The following STX6 variants were observed in gnomAD, a reference collection of about 807,000 sequenced individuals.
STX6 encodes the protein syntaxin 6, also known as syntaxin-6.
In STX6, 23 loss-of-function variants were observed where a neutral mutation model predicts 38.0. The observed-to-expected ratio is 0.60, with a 90% CI of 0.43 to 0.86. The LOEUF (loss-of-function observed/expected upper bound fraction) is 0.86. STX6 is among the 40% of genes least tolerant of loss of function. STX6 has a pLI of 0.00. For missense variants in STX6, 274 were observed against 312.9 expected, an observed-to-expected ratio of 0.88 and a Z score of 0.94; for synonymous variants, 123 against 107.5, an observed-to-expected ratio of 1.14 and a Z score of -0.89.
intron 7 of STX6, chr1:180,980,436 C>T (rs188927034): frequency 6.6e-6 from 1 of 151,506 alleles, no homozygotes; most frequent in Admixed American, 6.6e-5. Context: ...GACAGGTTGG[C>T]AGTTTCTTAC....
intron 1 of STX6, among the ~76,000 whole-genome samples, chr1:181,017,123 A>G (rs1267192058): frequency 6.6e-6 from 1 of 151,222 alleles, no homozygotes; most frequent in Non-Finnish European, 1.5e-5. Context: ...GCAGTGGCTC[A>G]TGCCTGTAAT....
intron 1 of STX6, among the ~76,000 whole-genome samples, chr1:181,013,430 C>T (rs1262953759): frequency 2.0e-5 from 3 of 152,044 alleles, no homozygotes; most frequent in South Asian, 2.1e-4. Context: ...AGGATTCTTC[C>T]GTCTCAGCCT....
At chr1:180,994,729 A>C (rs1655850712) in intron 3 of STX6, among the ~76,000 whole-genome samples, 1 of 152,212 alleles carries the variant, frequency 6.6e-6, no homozygotes, top group African/African-American at 2.4e-5. Flanking sequence ...AAATACAGTT[A>C]GAAGAAATAA....
intron 2 of STX6, among the ~76,000 whole-genome samples, chr1:181,003,989 C>T (rs1280235458): frequency 6.6e-6 from 1 of 152,184 alleles, no homozygotes; most frequent in Non-Finnish European, 1.5e-5. Flanking sequence ...ATTTTTTGAT[C>T]TCTAATTACC....
chr1:181,005,315 C>A lies in STX6; in HGVS notation c.184G>T (p.Glu62Ter). 1 of 1,614,068 alleles carries A rather than the reference C, an allele frequency of 6.2e-7. No homozygotes were observed. Among genetic ancestry groups the A allele is most frequent in the Non-Finnish European group, 8.5e-7 (1 of 1,179,948 alleles). Reference sequence around the variant, plus strand: ...ATATTGATGGTTTCATCAAGGTCCTCTAGATCCCACTCTATGCTCCGGAGG... The same window carrying A: ...ATATTGATGGTTTCATCAAGGTCCTATAGATCCCACTCTATGCTCCGGAGG... ...NNLRSIEWDL[E>*]DLDETISIVE... Residue 62 changes from glutamate (E) to a stop codon, truncating the protein, a stop_gained, in exon 2 of 8, where the codon GAG becomes TAG. Transcript: ENST00000258301. LOFTEE classifies it high-confidence loss of function.
At chr1:180,982,743 CT>C (rs573295818) in intron 7 of STX6, among the ~76,000 whole-genome samples, 1,574 of 152,038 alleles carry the variant, frequency 0.01, 26 homozygotes, top group African/African-American at 0.036. Context: ...ATTAAAACAC[CT>C]TTTTTTTGTT....
At chr1:180,984,184 T>TA in intron 7 of STX6, among the ~76,000 whole-genome samples, 1 of 145,002 alleles carries the variant, frequency 6.9e-6, no homozygotes, top group South Asian at 2.1e-4. Flanking sequence ...AAGGAGAAGA[T>TA]AAAGACTGCA....
chr1:180,996,503 G>A (rs943832480), intron 3 of STX6, among the ~76,000 whole-genome samples: 1 of 152,130 alleles, frequency 6.6e-6, no homozygotes, highest in African/African-American at 2.4e-5. Flanking sequence ...ATAATACTTA[G>A]TGAAGGTATA....
At chr1:180,979,362 G>A (rs1655339420) in intron 7 of STX6, among the ~76,000 whole-genome samples, 2 of 152,172 alleles carry the variant, frequency 1.3e-5, no homozygotes, top group African/African-American at 4.8e-5. Context: ...GCAGATCAAT[G>A]GAACAGACAG....
intron 3 of STX6, among the ~76,000 whole-genome samples, chr1:180,994,197 CA>C (rs1349605566): frequency 5.3e-5 from 8 of 152,154 alleles, no homozygotes; most frequent in African/African-American, 1.9e-4. Context: ...TACATGACTG[CA>C]ACAACAGTTT....
At chr1:180,978,964 C>T (rs573356943) in intron 7 of STX6, among the ~76,000 whole-genome samples, 1 of 152,292 alleles carries the variant, frequency 6.6e-6, no homozygotes, top group South Asian at 2.1e-4. Context: ...GCATATGCAT[C>T]AGAACCAGAG....
Position 181,002,617 on chromosome 1 carries a change from G to T in STX6, c.289C>A (p.Gln97Lys). 1 of 1,610,934 alleles carries T rather than the reference G, an allele frequency of 6.2e-7. No homozygotes were observed. Among genetic ancestry groups the T allele is most frequent in the Non-Finnish European group, 8.5e-7 (1 of 1,177,302 alleles). The change falls in exon 3 of 8, where the codon CAA becomes AAA. Residue 97 changes from glutamine (Q) to lysine (K), a missense_variant. Physicochemically the swap from Gln to Lys is moderately conservative, Grantham distance 53 (BLOSUM62 1). Transcript: ENST00000258301. The part of the protein sequence containing the change: ...IRKAFITSTR[Q>K]VVRDMKDQMS... ...ATCATATTCCTTACCCTGACAACTT[G>T]CCGAGTACTTGTAATGAAGGCTTTT...
At chr1:181,004,576 G>A (rs1290763634) in intron 2 of STX6, among the ~76,000 whole-genome samples, 1 of 152,202 alleles carries the variant, frequency 6.6e-6, no homozygotes, top group Non-Finnish European at 1.5e-5. Context: ...GTTCCTGGAG[G>A]CACCTGAAGA....
Position 180,974,956 on chromosome 1 carries a change from T to G in STX6, c.*1614A>C, listed in dbSNP as rs985307265. ...CCATGATCTCAAATGAGATAAAATA[T>G]CCTTCTTCAAAAATTGTTAAGAATA... On this transcript the variant is annotated 3_prime_UTR_variant, in exon 8 of 8. Transcript: ENST00000258301. 2.0e-5 allele frequency: 3 copies of G among 152,618 alleles called. No individual in the cohort carries two copies. Among genetic ancestry groups the G allele is most frequent in the African/African-American group, 7.2e-5 (3 of 41,450 alleles). The allele number at this position is 152,618 out of a possible 1,614,324, so 9.5% of individuals were successfully genotyped here.
intron 2 of STX6, among the ~76,000 whole-genome samples, chr1:181,004,749 A>C (rs535837868): frequency 1.3e-4 from 20 of 152,116 alleles, no homozygotes; most frequent in Admixed American, 1.2e-3. Context: ...AATTAATTCG[A>C]TCTATGGAGG....
At position 181,005,404 on chromosome 1, in the gene STX6, A is replaced by G. The variant is rs1159255314; in HGVS notation, c.95T>C (p.Leu32Pro). Residue 32 changes from leucine (L) to proline (P), a missense_variant, in exon 2 of 8, where the codon CTC becomes CCC. Leu to Pro is a moderately conservative substitution (Grantham distance 98, BLOSUM62 -3). Transcript: ENST00000258301. ...CCTTGTTGCTGTGGAGGGGTCCTGG[A>G]GGAGCTCTGTCCATCTCTGAAACAA... ...QGLFQRWTELLQDPSTATREE... is the reference protein window; with the variant it reads ...QGLFQRWTELPQDPSTATREE... The G allele has an allele frequency of 1.2e-6, 2 of 1,614,110 alleles. No homozygotes were observed. Among genetic ancestry groups the G allele is most frequent in the Non-Finnish European group, 1.7e-6 (2 of 1,179,992 alleles).
At chr1:181,000,382 T>C (rs755135284) in intron 3 of STX6, among the ~76,000 whole-genome samples, 3 of 152,190 alleles carry the variant, frequency 2.0e-5, no homozygotes, top group Admixed American at 1.3e-4. Context: ...CTTACAATCA[T>C]GGCAGAAGGA....
At chr1:180,989,635 T>C (rs567778808) in intron 5 of STX6, among the ~76,000 whole-genome samples, 6 of 152,156 alleles carry the variant, frequency 3.9e-5, no homozygotes, top group Admixed American at 3.3e-4. Context: ...CTTTATTTTT[T>C]TAGAGAAAGG....
chr1:180,990,707 T>C (rs1655732569), intron 4 of STX6, among the ~76,000 whole-genome samples: 2 of 152,164 alleles, frequency 1.3e-5, no homozygotes, highest in South Asian at 2.1e-4. Flanking sequence ...GGGGTTACTT[T>C]ACAGGCAGGT....
Sources: gnomAD v4.1 joint callset for allele counts (sites outside exome capture counted in the v4.1 genomes callset) on GRCh38, gnomAD v4.1.1 for gene constraint, MANE v1.5 for transcripts, NCBI Gene and HGNC (gene_info 2026-07-23, HGNC 2026-07-21) for gene names.